Variants in MAGI2 observed in about 807,000 individuals in gnomAD.
MAGI2 encodes the protein membrane-associated guanylate kinase, WW and PDZ domain-containing protein 2.
Under a neutral mutation model 133.3 loss-of-function variants are expected in MAGI2, and 35 were observed. The ratio of observed to expected loss-of-function variants is 0.26; its 90% CI spans 0.20 to 0.35. The LOEUF is 0.35. MAGI2 is among the 10% of genes least tolerant of loss of function. MAGI2 has a pLI of 1.00. For missense variants in MAGI2, 1,636 were observed against 1,863.4 expected, an observed-to-expected ratio of 0.88 and a Z score of 2.25; for synonymous variants, 729 against 710.6, an observed-to-expected ratio of 1.03 and a Z score of -0.41.
intron 1 of MAGI2, among the ~76,000 whole-genome samples, chr7:79,252,144 G>T (rs1246456783): frequency 2.9e-5 from 3 of 104,164 alleles, no homozygotes; most frequent in Non-Finnish European, 5.2e-5. Flanking sequence ...GGGTCAGAAT[G>T]AGACCCTGTC....
At chr7:79,310,382 G>A (rs1018427065) in intron 1 of MAGI2, among the ~76,000 whole-genome samples, 18 of 151,970 alleles carry the variant, frequency 1.2e-4, no homozygotes, top group African/African-American at 4.3e-4. Flanking sequence ...TCAAAATTTA[G>A]TGTGCATCAG....
At chr7:78,289,394 G>GAAGT (rs910958086) in intron 9 of MAGI2, among the ~76,000 whole-genome samples, 2 of 152,082 alleles carry the variant, frequency 1.3e-5, no homozygotes, top group Admixed American at 6.6e-5. Context: ...AGCGAGAAGA[G>GAAGT]AAGTTTAGAG....
At chr7:78,842,369 A>G (rs1159277773) in intron 2 of MAGI2, among the ~76,000 whole-genome samples, 5 of 151,942 alleles carry the variant, frequency 3.3e-5, no homozygotes, top group Admixed American at 6.6e-5. Flanking sequence ...ATTGTATCCA[A>G]TAAGTTTCAA....
chr7:78,257,798 C>A (rs1793142913), intron 9 of MAGI2, among the ~76,000 whole-genome samples: 1 of 151,994 alleles, frequency 6.6e-6, no homozygotes, highest in Non-Finnish European at 1.5e-5. Flanking sequence ...GATGAAGAGA[C>A]ATGTTTTCAC....
intron 10 of MAGI2, among the ~76,000 whole-genome samples, chr7:78,208,155 T>TAA (rs1554499969): frequency 0.25 from 35,831 of 145,240 alleles, 4,913 homozygotes; most frequent in Middle Eastern, 0.3. Flanking sequence ...TTTTTTTTTT[T>TAA]AATATGGGGA....
chr7:78,905,195 G>A (rs1701309305), intron 2 of MAGI2, among the ~76,000 whole-genome samples: 1 of 152,048 alleles, frequency 6.6e-6, no homozygotes, highest in Non-Finnish European at 1.5e-5. Flanking sequence ...TACTTCTTCA[G>A]CATTTCTCAA....
At position 78,074,337 on chromosome 7, in the gene MAGI2, G is replaced by T. The variant is rs73362637; in HGVS notation, c.3706+4610C>A. On this transcript the variant is annotated intron_variant, in intron 21 of 21. Transcript: ENST00000354212. Reference sequence around the variant, plus strand: ...TTATCTCTCGGTCACAGATCACCTTGAGAACTCAGAGTGAGAAATTTTATT... The same window carrying T: ...TTATCTCTCGGTCACAGATCACCTTTAGAACTCAGAGTGAGAAATTTTATT... Among the ~76,000 whole-genome samples the T allele has an allele frequency of 9.2e-3, 1,401 of 152,214 alleles. 14 individuals carry two copies. Among genetic ancestry groups the T allele is most frequent in the African/African-American group, 0.032 (1,334 of 41,520 alleles).
chr7:79,432,092 G>A (rs1847816755), intron 1 of MAGI2, among the ~76,000 whole-genome samples: 1 of 152,200 alleles, frequency 6.6e-6, no homozygotes, highest in African/African-American at 2.4e-5. Flanking sequence ...AGGCTTCAAA[G>A]CTGAGGACAG....
chr7:79,158,109 C>G (rs1823996524), intron 1 of MAGI2, among the ~76,000 whole-genome samples: 1 of 151,782 alleles, frequency 6.6e-6, no homozygotes, highest in Admixed American at 6.6e-5. Flanking sequence ...TGATTTTCAC[C>G]TGAGGTAGTT....
At position 78,896,690 on chromosome 7, in the gene MAGI2, C is replaced by T. The variant is rs139551344; in HGVS notation, c.418+110400G>A. Among the ~76,000 whole-genome samples, 723 of 152,066 alleles carry T rather than the reference C, an allele frequency of 4.8e-3. 6 individuals are homozygous for T. The highest frequency in any genetic ancestry group is 0.011 in the South Asian group (54 of 4,816). On this transcript the variant is annotated intron_variant, in intron 2 of 21. Transcript: ENST00000354212. ...TCAAGCGATTCTCGTGCCTCAGCCT[C>T]CTGTGTAACTGGGACTACAGATGCG...
At position 78,486,940 on chromosome 7, in the gene MAGI2, T is replaced by C. The variant is rs1289956693; in HGVS notation, c.1045+2821A>G. The C allele has an allele frequency of 1.3e-5, 7 of 524,726 alleles. No individual in the cohort carries two copies. In the East Asian group the frequency reaches 3.8e-4, roughly 29 times the overall value. The allele number at this position is 524,726 out of a possible 1,614,324, so 32.5% of individuals were successfully genotyped here. A position where few individuals can be genotyped will look rare whatever the true frequency, so the allele number is the denominator to read the frequency against. On this transcript the variant is annotated intron_variant, in intron 6 of 21. Coordinates refer to ENST00000354212, the MANE Select transcript of MAGI2 (RefSeq NM_012301.4). The stretch of plus-strand genomic sequence containing the variant: ...CCCAAATTTGAACTAGCTCATTTCA[T>C]GGCTCTGGGGCCGGGTCCATGGCTG...
rs1409077669 is a variant in MAGI2 at position 78,521,451 on chromosome 7, T to C, written c.733A>G (p.Asn245Asp). Residue 245 changes from asparagine to aspartate, a missense_variant, in exon 4 of 22, where the codon AAT becomes GAT. This residue lies in a region of MAGI2 where 165 missense variants were observed against 128.4 expected (regional missense o/e 1.28). Coordinates refer to ENST00000354212, the MANE Select transcript of MAGI2 (RefSeq NM_012301.4). ...TAACCTGGTGTTACTACTACTCCAT[T>C]TCCATTGACCACAGGCCTCTCTTCC... Reference protein sequence around the residue: ...EEEERPVVNGNGVVVTPESSE... With the variant: ...EEEERPVVNGDGVVVTPESSE... 6.2e-6 allele frequency: 10 copies of C among 1,613,866 alleles called. No individual in the cohort carries two copies. Among genetic ancestry groups the C allele is most frequent in the Non-Finnish European group, 8.5e-6 (10 of 1,179,992 alleles).
chr7:78,885,857 A>C (rs760368275), intron 2 of MAGI2, among the ~76,000 whole-genome samples: 1 of 152,194 alleles, frequency 6.6e-6, no homozygotes, highest in African/African-American at 2.4e-5. Context: ...TTCTAAGTCC[A>C]GCACATAAAA....
At chr7:78,183,279 T>TC (rs1827364643) in intron 13 of MAGI2, among the ~76,000 whole-genome samples, 1 of 150,862 alleles carries the variant, frequency 6.6e-6, no homozygotes, top group Non-Finnish European at 1.5e-5. Flanking sequence ...TTTTTTTTTT[T>TC]TTTTTGAGAT....
At chr7:78,689,468 C>T (rs1369116034) in intron 2 of MAGI2, among the ~76,000 whole-genome samples, 1 of 152,090 alleles carries the variant, frequency 6.6e-6, no homozygotes, top group Non-Finnish European at 1.5e-5. Flanking sequence ...ATTTGTTTTT[C>T]AAATACATAC....
At chr7:79,355,136 AAC>A (rs1841937168) in intron 1 of MAGI2, among the ~76,000 whole-genome samples, 1 of 152,140 alleles carries the variant, frequency 6.6e-6, no homozygotes, top group Non-Finnish European at 1.5e-5. Flanking sequence ...TTTCCTCTTT[AAC>A]CAGGACTTCG....
intron 1 of MAGI2, among the ~76,000 whole-genome samples, chr7:79,070,570 C>A (rs924033595): frequency 1.2e-4 from 18 of 151,948 alleles, no homozygotes; most frequent in African/African-American, 4.4e-4. Flanking sequence ...CGGCTCACTG[C>A]AAGCTCCACC....
chr7:78,719,154 C>G (rs1350352369), intron 2 of MAGI2, among the ~76,000 whole-genome samples: 1 of 152,126 alleles, frequency 6.6e-6, no homozygotes, highest in African/African-American at 2.4e-5. Context: ...CCTATACCTT[C>G]TATGTGAACC....
chr7:78,669,946 C>A (rs1426128734), intron 2 of MAGI2, among the ~76,000 whole-genome samples: 2 of 151,602 alleles, frequency 1.3e-5, no homozygotes. Context: ...CTATCTATGA[C>A]AAACCCACAG....
Sources: gnomAD v4.1 joint callset for allele counts (sites outside exome capture counted in the v4.1 genomes callset) on GRCh38, gnomAD v4.1.1 for gene constraint, gnomAD v4.1.1 regional missense constraint, MANE v1.5 for transcripts, NCBI Gene and HGNC (gene_info 2026-07-23, HGNC 2026-07-21) for gene names.